RAPGEFL1: variants seen among roughly 807,000 people sequenced by gnomAD.
RAPGEFL1 encodes rap guanine nucleotide exchange factor-like 1.
In RAPGEFL1, 31 loss-of-function variants were observed where a neutral mutation model predicts 64.4. That is an observed-to-expected ratio of 0.48 (90% CI 0.36 to 0.65). The LOEUF (loss-of-function observed/expected upper bound fraction) is 0.65, where lower values mean the gene tolerates loss of function less well. Among genes scored for constraint, RAPGEFL1 ranks in the 30% least tolerant of loss-of-function variants. The probability of loss-of-function intolerance (pLI) is 0.00; values close to 1 mark genes in which losing one functional copy is unlikely to be tolerated. For synonymous variants in RAPGEFL1, 331 were observed against 274.1 expected (o/e 1.21, Z -2.05); for missense variants, 682 against 677.4 (o/e 1.01, Z -0.08).
At chr17:40,185,981 G>C (rs1468566652) in intron 4 of RAPGEFL1, among the ~76,000 whole-genome samples, 1 of 150,700 alleles carries the variant, frequency 6.6e-6, no homozygotes, top group Non-Finnish European at 1.5e-5. Flanking sequence ...AAAAAAAAAG[G>C]CCGGGTGCGG....
Position 40,181,507 on chromosome 17 carries a change from C to T in RAPGEFL1, c.521-109C>T. The T allele has an allele frequency of 5.9e-6, 4 of 679,894 alleles. No individual in the cohort carries two copies. The Admixed American group carries it at 8.1e-5, about 14-fold the overall frequency. The allele number at this position is 679,894 out of a possible 1,614,324, so 42.1% of individuals were successfully genotyped here. On this transcript the variant is annotated intron_variant, in intron 1 of 14. Transcript: ENST00000620260. ...ACAAGGCAGGTGGCTGGGGCTCCAG[C>T]CTGGCTAAAGAGAACTTGCCCTTAG...
intron 4 of RAPGEFL1, among the ~76,000 whole-genome samples, chr17:40,187,649 C>G (rs530009007): frequency 6.6e-6 from 1 of 151,716 alleles, no homozygotes; most frequent in Non-Finnish European, 1.5e-5. Context: ...CTGGCTCTGT[C>G]GCCCAGGCTG....
intron 11 of RAPGEFL1, 99 bp downstream of exon 11, chr17:40,192,362 T>C: frequency 5.2e-6 from 7 of 1,345,710 alleles, no homozygotes; most frequent in Non-Finnish European, 5.3e-6. Context: ...TCAAGGTGTT[T>C]AGTGTATGGG....
chr17:40,186,272 CAAA>C (rs1402480728), intron 4 of RAPGEFL1, among the ~76,000 whole-genome samples: 2 of 46,720 alleles, frequency 4.3e-5, no homozygotes, highest in Admixed American at 2.2e-4. Context: ...GACTCCGTCT[CAAA>C]AAAAAAAAAA....
chr17:40,181,084 G>A (rs935622693), intron 1 of RAPGEFL1, among the ~76,000 whole-genome samples: 13 of 152,196 alleles, frequency 8.5e-5, no homozygotes, highest in Admixed American at 8.5e-4. Flanking sequence ...TCTATTTAAA[G>A]GTTCTGGGAT....
intron 1 of RAPGEFL1, among the ~76,000 whole-genome samples, chr17:40,180,937 G>A (rs1485693342): frequency 6.6e-6 from 1 of 152,222 alleles, no homozygotes; most frequent in Non-Finnish European, 1.5e-5. Context: ...AAGTCAGGGC[G>A]ACCTTGTACC....
At chr17:40,179,955 G>A (rs528703205) in intron 1 of RAPGEFL1, among the ~76,000 whole-genome samples, 125 of 152,202 alleles carry the variant, frequency 8.2e-4, no homozygotes, top group African/African-American at 2.9e-3. Flanking sequence ...ATAACTTCCC[G>A]CCTACACCAC....
In RAPGEFL1 at chr17:40,194,869, A is replaced by G. The variant is rs1990409615; in HGVS notation, c.*1081A>G. 6.6e-6 allele frequency: 1 copy of G among 152,554 alleles called. No individual in the cohort carries two copies. Among genetic ancestry groups the G allele is most frequent in the Non-Finnish European group, 1.5e-5 (1 of 68,160 alleles). 9.5% of individuals were successfully genotyped at this position (152,554 alleles called of 1,614,324 possible). A position where few individuals can be genotyped will look rare whatever the true frequency, so the allele number is the denominator to read the frequency against. ...CCCTATACCTGGGGCAGGCAGCCCC[A>G]AAGTGGGGGAGGGGGATGGCAGAGA... On this transcript the variant is annotated 3_prime_UTR_variant, in exon 15 of 15. Coordinates refer to ENST00000620260, the MANE Select transcript of RAPGEFL1 (RefSeq NM_016339.6).
Position 40,195,181 on chromosome 17 carries a change from G to A in RAPGEFL1, c.*1393G>A, listed in dbSNP as rs1005297197. ...TTTTTAAAACTCAAAGAGGGAAAGA[G>A]CCTTGTATCATATGTGAACATTGTA... is the stretch of plus-strand genomic sequence containing the variant. On this transcript the variant is annotated 3_prime_UTR_variant, in exon 15 of 15. Coordinates refer to ENST00000620260, the MANE Select transcript of RAPGEFL1 (RefSeq NM_016339.6). The A allele has an allele frequency of 6.6e-6, 1 of 152,244 alleles. No homozygotes were observed. The highest frequency in any genetic ancestry group is 6.5e-5 in the Admixed American group (1 of 15,282). The allele number at this position is 152,244 out of a possible 1,614,324, so 9.4% of individuals were successfully genotyped here. A position where few individuals can be genotyped will look rare whatever the true frequency, so the allele number is the denominator to read the frequency against.
At chr17:40,178,791 G>A (rs1989805133) in intron 1 of RAPGEFL1, among the ~76,000 whole-genome samples, 2 of 152,184 alleles carry the variant, frequency 1.3e-5, no homozygotes, top group African/African-American at 4.8e-5. Flanking sequence ...TGAAAACCCT[G>A]GGGTCCCTGA....
Position 40,191,541 on chromosome 17 carries a change from G to T in RAPGEFL1, c.1515-41G>T, listed in dbSNP as rs1465119348. 1 of 1,557,876 alleles carries T rather than the reference G, an allele frequency of 6.4e-7. No individual in the cohort carries two copies. Among genetic ancestry groups the T allele is most frequent in the Admixed American group, 2.0e-5 (1 of 51,204 alleles). On this transcript the variant is annotated intron_variant, in intron 9 of 14. Coordinates refer to ENST00000620260, the MANE Select transcript of RAPGEFL1 (RefSeq NM_016339.6). This position sits in a 1 kb window ranked among gnomAD's most constrained non-coding sequence, Gnocchi z 5.1. ...ATGGGGGGCCGGAGGCCGGAGGCCC[G>T]CGCCGCCGCCCGCCCCTGACCCCGC...
chr17:40,192,372 G>C, intron 11 of RAPGEFL1, 109 bp downstream of exon 11: 11 of 1,256,180 alleles, frequency 8.8e-6, no homozygotes, highest in East Asian at 4.7e-5. Context: ...TAGTGTATGG[G>C]ACCCCCCACC....
intron 6 of RAPGEFL1, among the ~76,000 whole-genome samples, chr17:40,189,969 A>C (rs75352322): frequency 6.8e-6 from 1 of 146,254 alleles, no homozygotes; most frequent in Non-Finnish European, 1.5e-5. Context: ...AAAAAAAAAA[A>C]GTTTGGGAGG....
chr17:40,186,072 G>A (rs530314548), intron 4 of RAPGEFL1, among the ~76,000 whole-genome samples: 10 of 148,594 alleles, frequency 6.7e-5, no homozygotes, highest in African/African-American at 1.2e-4. Context: ...TCAGGAGTTC[G>A]AGACCAGCCT....
intron 2 of RAPGEFL1, 63 bp downstream of exon 2, chr17:40,181,757 T>G: frequency 1.4e-6 from 1 of 695,512 alleles, no homozygotes; most frequent in African/African-American, 1.7e-5. Flanking sequence ...CCGTCCCACA[T>G]GCAATCTCAG....
chr17:40,188,734 C>T, intron 4 of RAPGEFL1, 132 bp from the exon 5 acceptor site: 2 of 703,942 alleles, frequency 2.8e-6, no homozygotes, highest in South Asian at 1.6e-5. Context: ...CTTCTGACCC[C>T]CTTAACCACC....
intron 6 of RAPGEFL1, 136 bp downstream of exon 6, chr17:40,189,511 C>A: frequency 1.0e-6 from 1 of 986,204 alleles, no homozygotes; most frequent in Non-Finnish European, 1.5e-6. Flanking sequence ...TCATGTGCAT[C>A]GCCTGGGAAC....
At position 40,191,604 on chromosome 17, in the gene RAPGEFL1, C is replaced by T; in HGVS notation, c.1537C>T (p.Leu513=). The T allele has an allele frequency of 6.2e-7, 1 of 1,612,552 alleles. No homozygotes were observed. Among genetic ancestry groups the T allele is most frequent in the South Asian group, 1.1e-5 (1 of 90,748 alleles). The change falls in exon 10 of 15, where the codon CTG becomes TTG. Residue 513 remains leucine, a synonymous_variant. Transcript: ENST00000620260. This position sits in a 1 kb window ranked among gnomAD's most constrained non-coding sequence, Gnocchi z 5.1. ...CAGCTGCAAGCAGAACCAGGACCTG[C>T]TGTCTTTCTACGCCGTGGTCATGGG... ...AALCKQNQDL[L]SFYAVVMGLD... is the part of the protein sequence containing the mutation.
At chr17:40,193,527 C>T (rs921184350) in intron 14 of RAPGEFL1, 110 bp downstream of exon 14, 15 of 1,572,572 alleles carry the variant, frequency 9.5e-6, no homozygotes, top group African/African-American at 1.4e-5. Flanking sequence ...TGCTGGTTCC[C>T]CATTCTCTCC....
Sources: allele counts gnomAD v4.1 joint callset (sites outside exome capture counted in the v4.1 genomes callset), GRCh38; gene constraint gnomAD v4.1.1; non-coding constraint Gnocchi (gnomAD v3.1); transcripts MANE v1.5; gene names NCBI Gene and HGNC (gene_info 2026-07-23, HGNC 2026-07-21).